RANBP2: variants seen among roughly 807,000 people sequenced by gnomAD.
RANBP2 encodes the protein RAN binding protein 2.
RANBP2 carries 57 observed loss-of-function variants against 303.6 expected under a neutral mutation model. That is an observed-to-expected ratio of 0.19 (90% confidence interval 0.15 to 0.23). The LOEUF (loss-of-function observed/expected upper bound fraction) is 0.23, where lower values mean the gene tolerates loss of function less well. RANBP2 is among the 10% of genes least tolerant of loss of function. The probability of loss-of-function intolerance (pLI) is 1.00; values close to 1 mark genes in which losing one functional copy is unlikely to be tolerated. For missense variants in RANBP2, 3,138 were observed against 3,780.8 expected (o/e 0.83, Z 4.46); for synonymous variants, 1,167 against 1,301.5 (o/e 0.90, Z 2.23).
chr2:109,732,548 G>T, the RANBP2 span, among the ~76,000 whole-genome samples: 1 of 125,234 alleles, frequency 8.0e-6, no homozygotes, highest in African/African-American at 3.0e-5. Context: ...GTGTAGTCTC[G>T]GCTTACTGCA....
At chr2:109,531,011 G>C in the RANBP2 span, among the ~76,000 whole-genome samples, 1 of 151,820 alleles carries the variant, frequency 6.6e-6, no homozygotes, top group Non-Finnish European at 1.5e-5. Flanking sequence ...TCCCGAGGAG[G>C]CTGGGCTTGA....
chr2:109,504,356 C>T, the RANBP2 span: 2 of 152,224 alleles, frequency 1.3e-5, no homozygotes, highest in Non-Finnish European at 2.9e-5. Flanking sequence ...CTGCAGGCCA[C>T]CAGGGGCCTC....
the RANBP2 span, among the ~76,000 whole-genome samples, chr2:109,442,448 G>C: frequency 6.6e-6 from 1 of 152,056 alleles, no homozygotes; most frequent in African/African-American, 2.4e-5. Flanking sequence ...TAACTACATA[G>C]ATAAATATAT....
intron 1 of RANBP2, among the ~76,000 whole-genome samples, chr2:108,721,709 A>G (rs1218671624): frequency 6.6e-6 from 1 of 151,100 alleles, no homozygotes; most frequent in African/African-American, 2.4e-5. Context: ...CACTTCCCAA[A>G]GTGTTGGGAT....
chr2:108,859,966 C>T, the RANBP2 span, among the ~76,000 whole-genome samples: 1 of 152,040 alleles, frequency 6.6e-6, no homozygotes, highest in Non-Finnish European at 1.5e-5. Context: ...TTTATGTCAT[C>T]TGTGATTTCC....
the RANBP2 span, among the ~76,000 whole-genome samples, chr2:109,564,790 A>G: frequency 6.6e-6 from 1 of 152,250 alleles, no homozygotes; most frequent in Non-Finnish European, 1.5e-5. Flanking sequence ...TCACCAGGAA[A>G]TACCAAAAAA....
the RANBP2 span, among the ~76,000 whole-genome samples, chr2:108,820,274 G>A: frequency 2.2e-4 from 34 of 152,062 alleles, no homozygotes; most frequent in African/African-American, 8.0e-4. Flanking sequence ...ATAAAATTAT[G>A]TCAGAGGAGC....
At chr2:109,359,246 C>T in the RANBP2 span, among the ~76,000 whole-genome samples, 1 of 152,146 alleles carries the variant, frequency 6.6e-6, no homozygotes, top group Non-Finnish European at 1.5e-5. Flanking sequence ...TATTTGTTGG[C>T]TCTTCTAGGT....
the RANBP2 span, among the ~76,000 whole-genome samples, chr2:109,477,707 C>T: frequency 6.6e-6 from 1 of 152,056 alleles, no homozygotes; most frequent in Admixed American, 6.5e-5. Flanking sequence ...GTCTGAGATC[C>T]AGACACCACA....
intron 17 of RANBP2, among the ~76,000 whole-genome samples, chr2:108,756,392 G>C (rs1351509046): frequency 6.6e-6 from 1 of 151,610 alleles, no homozygotes; most frequent in Admixed American, 6.6e-5. Flanking sequence ...TTTGGAATTG[G>C]AAATAAAAGT....
At chr2:109,100,402 G>A in the RANBP2 span, among the ~76,000 whole-genome samples, 2 of 152,196 alleles carry the variant, frequency 1.3e-5, no homozygotes, top group East Asian at 3.9e-4. Flanking sequence ...ATGATCTGAG[G>A]TGGAACAGTT....
the RANBP2 span, among the ~76,000 whole-genome samples, chr2:109,457,628 G>A: frequency 2.6e-5 from 4 of 152,236 alleles, no homozygotes; most frequent in South Asian, 2.1e-4. Context: ...CTGCATGGCC[G>A]GGAGCCCCGG....
the RANBP2 span, among the ~76,000 whole-genome samples, chr2:109,658,904 A>C: frequency 2.6e-5 from 4 of 152,056 alleles, no homozygotes; most frequent in East Asian, 5.8e-4. Flanking sequence ...GTCTCTGCTA[A>C]AAATACAAAA....
the RANBP2 span, among the ~76,000 whole-genome samples, chr2:109,138,613 T>C: frequency 6.6e-6 from 1 of 152,354 alleles, no homozygotes; most frequent in South Asian, 2.1e-4. Flanking sequence ...TGGTTCATTC[T>C]AGTCTTCCTG....
the RANBP2 span, among the ~76,000 whole-genome samples, chr2:109,450,207 A>G: frequency 6.6e-6 from 1 of 152,130 alleles, no homozygotes. Context: ...TTAGCCAGGC[A>G]TGGTGGCGTG....
chr2:109,351,981 A>C, the RANBP2 span, among the ~76,000 whole-genome samples: 301 of 152,372 alleles, frequency 2.0e-3, no homozygotes, highest in Middle Eastern at 6.8e-3. Context: ...AGGGACAGAC[A>C]TAGATGGATA....
the RANBP2 span, among the ~76,000 whole-genome samples, chr2:109,333,087 G>A: frequency 6.6e-6 from 1 of 152,238 alleles, no homozygotes; most frequent in Non-Finnish European, 1.5e-5. Flanking sequence ...CAGCTCCAGT[G>A]CTGCCTCAGT....
At chr2:109,606,308 C>T in the RANBP2 span, among the ~76,000 whole-genome samples, 60 of 147,822 alleles carry the variant, frequency 4.1e-4, no homozygotes, top group Middle Eastern at 3.4e-3. Flanking sequence ...CCAGCTACTC[C>T]GGAGGCTGAG....
the RANBP2 span, among the ~76,000 whole-genome samples, chr2:109,350,229 T>C: frequency 6.6e-6 from 1 of 152,178 alleles, no homozygotes; most frequent in Admixed American, 6.5e-5. Context: ...AAGTGGGCAA[T>C]GTCACCATGG....
Sources: gnomAD v4.1 joint callset for allele counts (sites outside exome capture counted in the v4.1 genomes callset) on GRCh38, gnomAD v4.1.1 for gene constraint, MANE v1.5 for transcripts, NCBI Gene and HGNC (gene_info 2026-07-23, HGNC 2026-07-21) for gene names.